The following XRCC5 variants were observed in gnomAD, a reference collection of about 807,000 sequenced individuals.
The protein encoded by XRCC5 is DNA repair protein Ku80.
Under a neutral mutation model 95.7 loss-of-function variants are expected in XRCC5, and 12 were observed. The ratio of observed to expected loss-of-function variants is 0.13; its 90% confidence interval spans 0.08 to 0.20. The LOEUF is 0.20. Ranked by LOEUF, XRCC5 falls within the 10% of genes least tolerant of loss-of-function variation. XRCC5 has a pLI of 1.00. For synonymous variants in XRCC5, 281 were observed against 290.3 expected, an observed-to-expected ratio of 0.97 and a Z score of 0.33; for missense variants, 595 against 873.9, an observed-to-expected ratio of 0.68 and a Z score of 4.02.
intron 16 of XRCC5, among the ~76,000 whole-genome samples, chr2:216,162,733 C>T (rs1431615911): frequency 6.6e-6 from 1 of 152,094 alleles, no homozygotes; most frequent in East Asian, 1.9e-4. Flanking sequence ...TTGTTCCAGT[C>T]CTAAGAGTTT....
intron 16 of XRCC5, among the ~76,000 whole-genome samples, chr2:216,186,829 C>T (rs542972310): frequency 1.4e-4 from 22 of 152,242 alleles, no homozygotes; most frequent in African/African-American, 4.1e-4. Context: ...TCAGCATTTC[C>T]TTTATGTGGG....
At chr2:216,204,467 G>C (rs1001797125) in intron 20 of XRCC5, 71 bp downstream of exon 20, 4 of 1,529,262 alleles carry the variant, frequency 2.6e-6, no homozygotes, top group Non-Finnish European at 3.6e-6. Flanking sequence ...AGCCACAAAG[G>C]CTGATTATCT....
intron 12 of XRCC5, among the ~76,000 whole-genome samples, 180 bp from the exon 13 acceptor site, chr2:216,141,006 T>A (rs560528696): frequency 6.6e-6 from 1 of 152,314 alleles, no homozygotes; most frequent in Non-Finnish European, 1.5e-5. Context: ...TCTAAATCGA[T>A]CTTTTCATGG....
intron 16 of XRCC5, among the ~76,000 whole-genome samples, chr2:216,181,616 G>A (rs1689388094): frequency 6.6e-6 from 1 of 152,184 alleles, no homozygotes; most frequent in South Asian, 2.1e-4. Context: ...TATATCTTTG[G>A]ATCCCAATGC....
In XRCC5 at chr2:216,203,848, C is replaced by CTTTTT. The variant is rs56250537; in HGVS notation, c.2110-461_2110-457dup. On this transcript the variant is annotated intron_variant, in intron 19 of 20. Transcript: ENST00000392132. ...GAATTTAAGAGTAGATTATTCTAAG[C>CTTTTT]TTTTTTTTTTTTTTTTTCCTGATTC... Among the ~76,000 whole-genome samples, 82 of 118,752 alleles carry CTTTTT rather than the reference C, an allele frequency of 6.9e-4. 2 individuals are homozygous for CTTTTT. The East Asian group carries it at 0.011, about 15-fold the overall frequency. The allele number at this position is 118,752 out of a possible 152,430, so 77.9% of individuals were successfully genotyped here.
chr2:216,111,042 A>C (rs1207895657), intron 1 of XRCC5, among the ~76,000 whole-genome samples: 1 of 152,222 alleles, frequency 6.6e-6, no homozygotes, highest in Non-Finnish European at 1.5e-5. Context: ...ATAGGAATTC[A>C]TTCAGGTTTT....
intron 19 of XRCC5, among the ~76,000 whole-genome samples, chr2:216,201,369 ATG>A (rs2106054501): frequency 6.6e-6 from 1 of 152,312 alleles, no homozygotes; most frequent in South Asian, 2.1e-4. Flanking sequence ...AGTGGAAGTC[ATG>A]TGTTTTTACT....
In XRCC5 at chr2:216,192,615, C is replaced by T. The variant is rs1689636295; in HGVS notation, c.1945-24C>T. 4 of 1,558,236 alleles carry T rather than the reference C, an allele frequency of 2.6e-6. 1 individual carries two copies. The South Asian group carries it at 3.7e-5, about 14-fold the overall frequency. ...TGTGTTTGCTCTGACTTGCTGCCTC[C>T]TCTACCCCAACTTGCTACCACAGTT... is the stretch of plus-strand genomic sequence containing the variant. On this transcript the variant is annotated intron_variant, in intron 17 of 20. Coordinates refer to ENST00000392132, the MANE Select transcript of XRCC5 (RefSeq NM_021141.4).
chr2:216,110,004 C>T (rs1696558072), intron 1 of XRCC5, among the ~76,000 whole-genome samples: 1 of 152,212 alleles, frequency 6.6e-6, no homozygotes, highest in Admixed American at 6.5e-5. Flanking sequence ...CTGTGAGGGA[C>T]GGATCTAAAC....
chr2:216,130,427 C>A (rs41299808), intron 8 of XRCC5, among the ~76,000 whole-genome samples: 324 of 151,810 alleles, frequency 2.1e-3, no homozygotes, highest in African/African-American at 7.4e-3. Flanking sequence ...CTCCAGCATA[C>A]GTTTTTGAGA....
intron 16 of XRCC5, among the ~76,000 whole-genome samples, chr2:216,174,434 T>C (rs935153119): frequency 6.6e-6 from 1 of 152,250 alleles, no homozygotes; most frequent in Admixed American, 6.5e-5. Context: ...TAATCTTCTT[T>C]ATTTGTTAAC....
chr2:216,204,384 T>C lies in XRCC5; in HGVS notation c.2172T>C (p.Asp724=). ...CAGCTGTATTTGAAGAAGGTGGTGA[T>C]GTGGACGATTTAGTAAGTACTTTTA... is the stretch of plus-strand genomic sequence containing the variant. ...DTAAVFEEGG[D]VDDLLDMI The change falls in exon 20 of 21, where the codon GAT becomes GAC. Residue 724 remains aspartate (D), a synonymous_variant. Coordinates refer to ENST00000392132, the MANE Select transcript of XRCC5 (RefSeq NM_021141.4). 6.2e-7 allele frequency: 1 copy of C among 1,613,962 alleles called. No individual in the cohort carries two copies. Among genetic ancestry groups the C allele is most frequent in the East Asian group, 2.2e-5 (1 of 44,876 alleles).
intron 19 of XRCC5, among the ~76,000 whole-genome samples, chr2:216,203,848 CTT>C (rs56250537): frequency 2.5e-5 from 3 of 118,770 alleles, no homozygotes; most frequent in Non-Finnish European, 5.0e-5. Flanking sequence ...TTATTCTAAG[CTT>C]TTTTTTTTTT....
chr2:216,141,540 C>CTTTTTTT (rs71401137), intron 13 of XRCC5, among the ~76,000 whole-genome samples: 905 of 64,692 alleles, frequency 0.014, 154 homozygotes, highest in East Asian at 0.033. Flanking sequence ...TCTTTCTTTT[C>CTTTTTTT]TTTTTTTTTT....
intron 7 of XRCC5, among the ~76,000 whole-genome samples, chr2:216,126,781 A>G (rs138169517): frequency 8.5e-5 from 13 of 152,238 alleles, no homozygotes; most frequent in African/African-American, 3.1e-4. Flanking sequence ...GCAGTTCTTT[A>G]TTTATTTCAG....
intron 5 of XRCC5, among the ~76,000 whole-genome samples, chr2:216,121,241 T>TA (rs1373961710): frequency 6.6e-6 from 1 of 152,242 alleles, no homozygotes; most frequent in Non-Finnish European, 1.5e-5. Flanking sequence ...GGAAACTTTT[T>TA]ACCTGATAAA....
chr2:216,125,280 C>T (rs1267533582), intron 6 of XRCC5, among the ~76,000 whole-genome samples: 1 of 151,808 alleles, frequency 6.6e-6, no homozygotes, highest in African/African-American at 2.4e-5. Flanking sequence ...TCACCGCAAC[C>T]TCCGCCTCCC....
chr2:216,155,724 A>G (rs1688828821), intron 14 of XRCC5, among the ~76,000 whole-genome samples: 1 of 152,256 alleles, frequency 6.6e-6, no homozygotes, highest in South Asian at 2.1e-4. Context: ...AATAGCCTAT[A>G]TCATCTTGTA....
At chr2:216,128,783 T>A (rs1426961321) in intron 8 of XRCC5, among the ~76,000 whole-genome samples, 1 of 152,230 alleles carries the variant, frequency 6.6e-6, no homozygotes, top group African/African-American at 2.4e-5. Context: ...GCATTTTCTC[T>A]TTTAATCATC....
Sources: gnomAD v4.1 joint callset for allele counts (sites outside exome capture counted in the v4.1 genomes callset) on GRCh38, gnomAD v4.1.1 for gene constraint, MANE v1.5 for transcripts, NCBI Gene and HGNC (gene_info 2026-07-23, HGNC 2026-07-21) for gene names.